PKP4: variants seen among roughly 807,000 people sequenced by gnomAD.
The protein encoded by PKP4 is plakophilin 4.
PKP4 carries 90 observed loss-of-function variants against 145.1 expected under a neutral mutation model. That is an observed-to-expected ratio of 0.62 (90% CI 0.52 to 0.74). PKP4 has a LOEUF of 0.74. Ranked by LOEUF, PKP4 falls within the 30% of genes least tolerant of loss-of-function variation. PKP4 has a pLI of 0.00. For synonymous variants in PKP4, 563 were observed against 577.2 expected, an observed-to-expected ratio of 0.98 and a Z score of 0.35; for missense variants, 1,340 against 1,482.7, an observed-to-expected ratio of 0.90 and a Z score of 1.58.
intron 1 of PKP4, among the ~76,000 whole-genome samples, chr2:158,484,004 C>T (rs990761378): frequency 2.7e-5 from 4 of 150,716 alleles, no homozygotes; most frequent in African/African-American, 7.3e-5. Flanking sequence ...ATAACAAGAA[C>T]GTGCACAGTT....
chr2:158,608,172 CAT>C (rs2050807659), intron 4 of PKP4, among the ~76,000 whole-genome samples: 2 of 152,070 alleles, frequency 1.3e-5, no homozygotes, highest in Admixed American at 6.6e-5. Flanking sequence ...ACCTTATAAA[CAT>C]ATATACCTTC....
chr2:158,658,380 T>A, intron 12 of PKP4, 66 bp downstream of exon 12: 2 of 971,940 alleles, frequency 2.1e-6, no homozygotes, highest in Non-Finnish European at 3.1e-6. Context: ...GTAAATTGAT[T>A]TTAGGAGGAC....
At chr2:158,500,866 G>A (rs555311308) in intron 1 of PKP4, among the ~76,000 whole-genome samples, 3 of 152,142 alleles carry the variant, frequency 2.0e-5, no homozygotes, top group Non-Finnish European at 4.4e-5. Context: ...TTTGTTTTGG[G>A]CAGAATGAAT....
rs200788977 is a variant in PKP4 at position 158,562,183 on chromosome 2, A to G, written c.133-15088A>G. Reference sequence around the variant, plus strand: ...TTGCAGAATTTGGCTTAAGTTTTGTATAGACTTTTGGGACTTTAAAAAAAT... The same window carrying G: ...TTGCAGAATTTGGCTTAAGTTTTGTGTAGACTTTTGGGACTTTAAAAAAAT... On this transcript the variant is annotated intron_variant, in intron 2 of 21. Transcript: ENST00000389759. Among the ~76,000 whole-genome samples, 28 of 152,314 alleles carry G rather than the reference A, an allele frequency of 1.8e-4. No homozygotes were observed. The East Asian group carries it at 5.2e-3, about 28-fold the overall frequency.
intron 1 of PKP4, among the ~76,000 whole-genome samples, chr2:158,520,735 C>T (rs2042300704): frequency 6.6e-6 from 1 of 152,238 alleles, no homozygotes; most frequent in Non-Finnish European, 1.5e-5. Flanking sequence ...GTAGCCACTC[C>T]TCTGACTTTG....
intron 1 of PKP4, among the ~76,000 whole-genome samples, chr2:158,506,838 C>T (rs1267799574): frequency 6.6e-6 from 1 of 152,186 alleles, no homozygotes; most frequent in Non-Finnish European, 1.5e-5. Flanking sequence ...GTTCATACGA[C>T]ATTTTGCCAA....
At chr2:158,479,838 T>C (rs183805216) in intron 1 of PKP4, among the ~76,000 whole-genome samples, 1 of 152,364 alleles carries the variant, frequency 6.6e-6, no homozygotes, top group Non-Finnish European at 1.5e-5. Context: ...GAAATGTGTA[T>C]CTAAAGCATT....
intron 19 of PKP4, among the ~76,000 whole-genome samples, chr2:158,674,941 C>T (rs1011666633): frequency 6.6e-6 from 1 of 152,160 alleles, no homozygotes; most frequent in Admixed American, 6.5e-5. Flanking sequence ...TGGATGTCCC[C>T]ACTTGAACTA....
At chr2:158,555,296 TCTC>T (rs2045995006) in intron 2 of PKP4, among the ~76,000 whole-genome samples, 1 of 152,210 alleles carries the variant, frequency 6.6e-6, no homozygotes, top group African/African-American at 2.4e-5. Flanking sequence ...AGCCAGCTAT[TCTC>T]CTGCCTAGCA....
chr2:158,611,582 C>T (rs889998435), intron 4 of PKP4, among the ~76,000 whole-genome samples: 32 of 152,138 alleles, frequency 2.1e-4, no homozygotes, highest in Non-Finnish European at 5.9e-5. Flanking sequence ...ATCAGCACAT[C>T]ATGAGATAAG....
chr2:158,672,892 A>C (rs1299640753), intron 17 of PKP4, among the ~76,000 whole-genome samples: 1 of 152,160 alleles, frequency 6.6e-6, no homozygotes, highest in Non-Finnish European at 1.5e-5. Context: ...GGGTATATAC[A>C]TTTGAAGTCA....
Position 158,625,026 on chromosome 2 carries a change from C to T in PKP4, c.752C>T (p.Thr251Ile). The T allele has an allele frequency of 6.2e-7, 1 of 1,614,172 alleles. No individual in the cohort carries two copies. Among genetic ancestry groups the T allele is most frequent in the East Asian group, 2.2e-5 (1 of 44,878 alleles). ...LGSGFGSPSV[T>I]DPRPLNPSAY... is the part of the protein sequence containing the mutation. ...AGTGGATTTGGCTCTCCGTCAGTGA[C>T]CGACCCCCGACCTCTGAACCCCAGT... Residue 251 changes from threonine (T) to isoleucine (I), a missense_variant, in exon 7 of 22, where the codon ACC becomes ATC. Thr to Ile is a moderately conservative substitution (Grantham distance 89, BLOSUM62 -1). Transcript: ENST00000389759.
At chr2:158,601,211 A>G (rs1434299788) in intron 3 of PKP4, among the ~76,000 whole-genome samples, 1 of 152,206 alleles carries the variant, frequency 6.6e-6, no homozygotes, top group African/African-American at 2.4e-5. Context: ...TCTGTGACCT[A>G]CAGTTTTGAG....
intron 20 of PKP4, among the ~76,000 whole-genome samples, chr2:158,678,192 G>A (rs1191820601): frequency 5.9e-5 from 9 of 152,186 alleles, no homozygotes; most frequent in Non-Finnish European, 1.2e-4. Flanking sequence ...CTGACCCACT[G>A]CCGTAGCTCA....
At chr2:158,544,339 T>C (rs563458847) in intron 2 of PKP4, among the ~76,000 whole-genome samples, 4 of 152,318 alleles carry the variant, frequency 2.6e-5, no homozygotes, top group Admixed American at 6.5e-5. Context: ...AGGACTGTTA[T>C]AAAGCATTGT....
At chr2:158,648,067 A>G (rs184601247) in intron 11 of PKP4, among the ~76,000 whole-genome samples, 75 of 152,372 alleles carry the variant, frequency 4.9e-4, no homozygotes, top group African/African-American at 1.7e-3. Context: ...TGTACGTACC[A>G]GATGTCCCCA....
chr2:158,578,241 A>G (rs938649828), intron 3 of PKP4: 6 of 219,956 alleles, frequency 2.7e-5, no homozygotes, highest in Non-Finnish European at 4.0e-5. Flanking sequence ...GATTGTTGGT[A>G]TGAACATTAA....
intron 9 of PKP4, among the ~76,000 whole-genome samples, chr2:158,636,498 T>G (rs988372865): frequency 6.6e-6 from 1 of 152,146 alleles, no homozygotes; most frequent in African/African-American, 2.4e-5. Flanking sequence ...AAGTATAATT[T>G]TCTTTGCATT....
intron 1 of PKP4, among the ~76,000 whole-genome samples, chr2:158,518,722 C>G (rs2042121530): frequency 6.6e-6 from 1 of 152,182 alleles, no homozygotes; most frequent in African/African-American, 2.4e-5. Flanking sequence ...ACAGAACTTC[C>G]TTTTGTTGAA....
Sources: gnomAD v4.1 joint callset for allele counts (sites outside exome capture counted in the v4.1 genomes callset) on GRCh38, gnomAD v4.1.1 for gene constraint, MANE v1.5 for transcripts, NCBI Gene and HGNC (gene_info 2026-07-23, HGNC 2026-07-21) for gene names.